Variants in RBM47 observed in about 807,000 individuals in gnomAD.
RBM47 encodes RNA-binding protein 47.
In RBM47, 21 loss-of-function variants were observed where a neutral mutation model predicts 47.1. The ratio of observed to expected loss-of-function variants is 0.45; its 90% CI spans 0.32 to 0.64. The LOEUF (loss-of-function observed/expected upper bound fraction) is 0.64. Among genes scored for constraint, RBM47 ranks in the 30% least tolerant of loss-of-function variants. The pLI is 0.05. For synonymous variants in RBM47, 375 were observed against 361.7 expected (o/e 1.04, Z -0.42); for missense variants, 708 against 870.9 (o/e 0.81, Z 2.35).
intron 1 of RBM47, among the ~76,000 whole-genome samples, chr4:40,597,398 C>A (rs1734855014): frequency 6.6e-6 from 1 of 152,106 alleles, no homozygotes; most frequent in Non-Finnish European, 1.5e-5. Context: ...GAGTGTGAGA[C>A]CAGCCTGGCC....
chr4:40,435,577 T>C (rs963749010), intron 5 of RBM47, among the ~76,000 whole-genome samples: 5 of 152,040 alleles, frequency 3.3e-5, no homozygotes, highest in African/African-American at 1.2e-4. Context: ...ACCACTGCCT[T>C]GTCCTCAAGC....
chr4:40,427,188 C>T (rs960030316), intron 6 of RBM47: 24 of 152,168 alleles, frequency 1.6e-4, no homozygotes, highest in African/African-American at 5.8e-4. Context: ...TCACCTCCCA[C>T]CTAAGAGATG....
intron 2 of RBM47, 81 bp from the exon 3 acceptor site, chr4:40,466,780 G>C (rs201619327): frequency 9.2e-6 from 1 of 109,112 alleles, no homozygotes; most frequent in Non-Finnish European, 1.8e-5. Flanking sequence ...TTGGGGGGGG[G>C]GGGGCAGATC....
At chr4:40,507,017 T>C (rs1413312383) in intron 2 of RBM47, among the ~76,000 whole-genome samples, 1 of 152,098 alleles carries the variant, frequency 6.6e-6, no homozygotes, top group Non-Finnish European at 1.5e-5. Flanking sequence ...AGTGCAGTGG[T>C]GCGATCTTGG....
intron 1 of RBM47, among the ~76,000 whole-genome samples, chr4:40,580,917 G>A (rs1471615628): frequency 6.6e-6 from 1 of 152,240 alleles, no homozygotes; most frequent in Non-Finnish European, 1.5e-5. Flanking sequence ...AAGGATCTAG[G>A]GAAAGAGCAA....
At chr4:40,546,310 C>T (rs765336535) in intron 1 of RBM47, among the ~76,000 whole-genome samples, 3 of 152,012 alleles carry the variant, frequency 2.0e-5, no homozygotes, top group South Asian at 2.1e-4. Flanking sequence ...ACCACCACTC[C>T]GGGCTAATTT....
intron 1 of RBM47, among the ~76,000 whole-genome samples, chr4:40,592,401 C>A (rs1315455934): frequency 6.6e-6 from 1 of 150,522 alleles, no homozygotes; most frequent in African/African-American, 2.4e-5. Flanking sequence ...CCACAGGCAT[C>A]CACCTGGCTT....
chr4:40,562,295 G>A (rs117074782), intron 1 of RBM47, among the ~76,000 whole-genome samples: 1 of 152,246 alleles, frequency 6.6e-6, no homozygotes, highest in East Asian at 1.9e-4. Context: ...AAAGAGGACA[G>A]GTGAAAGTTG....
At chr4:40,498,827 C>A (rs1484407490) in intron 2 of RBM47, among the ~76,000 whole-genome samples, 1 of 152,010 alleles carries the variant, frequency 6.6e-6, no homozygotes, top group Non-Finnish European at 1.5e-5. Flanking sequence ...TGATTTGGTG[C>A]CTTTATAAAC....
At chr4:40,605,830 T>A (rs2154278265) in intron 1 of RBM47, among the ~76,000 whole-genome samples, 1 of 149,708 alleles carries the variant, frequency 6.7e-6, no homozygotes, top group South Asian at 2.1e-4. Context: ...AGACTCCATC[T>A]TAAAAAAAAA....
intron 1 of RBM47, among the ~76,000 whole-genome samples, chr4:40,608,667 A>G (rs1310535484): frequency 6.6e-6 from 1 of 152,234 alleles, no homozygotes; most frequent in Non-Finnish European, 1.5e-5. Flanking sequence ...ACAAACTGCA[A>G]ATCCTGAACT....
chr4:40,526,922 G>A (rs1726779908), intron 2 of RBM47, among the ~76,000 whole-genome samples: 1 of 150,996 alleles, frequency 6.6e-6, no homozygotes, highest in African/African-American at 2.4e-5. Flanking sequence ...AAAAGGGCTG[G>A]CAGCATTGAC....
intron 3 of RBM47, among the ~76,000 whole-genome samples, chr4:40,450,678 A>AT (rs1383401675): frequency 1.3e-5 from 2 of 152,134 alleles, no homozygotes; most frequent in African/African-American, 2.4e-5. Context: ...CTCAGGGAAT[A>AT]TAGGTGTTCT....
At chr4:40,484,995 T>C (rs1300692076) in intron 2 of RBM47, among the ~76,000 whole-genome samples, 2 of 142,328 alleles carry the variant, frequency 1.4e-5, no homozygotes, top group African/African-American at 2.9e-5. Context: ...GATTGTCTCT[T>C]TTTTTTTGTT....
intron 1 of RBM47, among the ~76,000 whole-genome samples, chr4:40,567,767 C>T (rs1181416565): frequency 3.9e-5 from 6 of 151,918 alleles, no homozygotes; most frequent in Admixed American, 6.6e-5. Flanking sequence ...CAGGATGAGG[C>T]AAAACAAGAG....
intron 2 of RBM47, among the ~76,000 whole-genome samples, chr4:40,499,846 T>C (rs1233780419): frequency 1.3e-5 from 2 of 152,252 alleles, no homozygotes; most frequent in African/African-American, 2.4e-5. Context: ...CAGTCATTCA[T>C]TCAATAAATG....
intron 6 of RBM47, among the ~76,000 whole-genome samples, chr4:40,431,676 A>C (rs1716091392): frequency 1.4e-5 from 2 of 140,778 alleles, no homozygotes; most frequent in South Asian, 2.3e-4. Context: ...AAAAAAAGAG[A>C]GAGAAAATTT....
At chr4:40,496,293 G>T (rs1039598212) in intron 2 of RBM47, among the ~76,000 whole-genome samples, 1 of 151,106 alleles carries the variant, frequency 6.6e-6, no homozygotes, top group Non-Finnish European at 1.5e-5. Flanking sequence ...ACTGTCACTT[G>T]GTCTAAACTA....
intron 2 of RBM47, among the ~76,000 whole-genome samples, chr4:40,481,991 G>A (rs1372565965): frequency 3.9e-5 from 6 of 152,152 alleles, no homozygotes; most frequent in African/African-American, 1.2e-4. Context: ...CGGCCATGAT[G>A]TGGTTTCTAT....
Sources: allele counts gnomAD v4.1 joint callset (sites outside exome capture counted in the v4.1 genomes callset), GRCh38; gene constraint gnomAD v4.1.1; transcripts MANE v1.5; gene names NCBI Gene and HGNC (gene_info 2026-07-23, HGNC 2026-07-21).